Variants in HEPHL1 observed in about 807,000 individuals in gnomAD.
HEPHL1 encodes the protein ferroxidase HEPHL1.
A neutral mutation model predicts 122.0 loss-of-function variants in HEPHL1; 123 were observed. The ratio of observed to expected loss-of-function variants is 1.01; its 90% CI spans 0.87 to 1.17. The LOEUF (loss-of-function observed/expected upper bound fraction) is 1.17. HEPHL1 is among the 50% of genes most tolerant of loss of function. HEPHL1 has a pLI of 0.00. For missense variants in HEPHL1, 1,452 were observed against 1,430.5 expected (o/e 1.01, Z -0.24); for synonymous variants, 527 against 508.9 (o/e 1.04, Z -0.48).
intron 2 of HEPHL1, among the ~76,000 whole-genome samples, chr11:94,048,664 T>G (rs1284220700): frequency 6.6e-6 from 1 of 152,138 alleles, no homozygotes; most frequent in Non-Finnish European, 1.5e-5. Context: ...GCCCAGCCTG[T>G]GGACAAAATT....
At chr11:94,043,737 T>A (rs1945808353) in intron 1 of HEPHL1, among the ~76,000 whole-genome samples, 1 of 152,006 alleles carries the variant, frequency 6.6e-6, no homozygotes, top group South Asian at 2.1e-4. Flanking sequence ...TCTTCATTGT[T>A]CGAGAGTATA....
intron 1 of HEPHL1, among the ~76,000 whole-genome samples, chr11:94,033,220 C>T (rs999210457): frequency 1.3e-5 from 2 of 152,106 alleles, no homozygotes; most frequent in East Asian, 1.9e-4. Context: ...CTCCTTTTGC[C>T]TTATGCCCCT....
chr11:94,110,975 G>C lies in HEPHL1; in HGVS notation c.3118G>C (p.Asp1040His). ...GTFQTIELFADHPGTWLLHCH... is the reference protein window; with the variant it reads ...GTFQTIELFAHHPGTWLLHCH... ...ATTCCAAACCATTGAACTGTTTGCA[G>C]ATCACCCAGGGACATGGCTGCTACA... The change falls in exon 18 of 20, where the codon GAT becomes CAT. Residue 1040 changes from aspartate to histidine, a missense_variant. By Grantham distance (81) the Asp-to-His change is moderately conservative (BLOSUM62 -1). Coordinates refer to ENST00000315765, the MANE Select transcript of HEPHL1 (RefSeq NM_001098672.2). 1 of 1,612,540 alleles carries C rather than the reference G, an allele frequency of 6.2e-7. No individual in the cohort carries two copies. Among genetic ancestry groups the C allele is most frequent in the Non-Finnish European group, 8.5e-7 (1 of 1,179,274 alleles).
chr11:94,036,991 G>A (rs879334671), intron 1 of HEPHL1, among the ~76,000 whole-genome samples: 25 of 152,316 alleles, frequency 1.6e-4, no homozygotes, highest in Non-Finnish European at 3.5e-4. Flanking sequence ...CCAGACAGTG[G>A]GCGCAGGCCA....
intron 12 of HEPHL1, among the ~76,000 whole-genome samples, chr11:94,090,905 C>T (rs1024788257): frequency 6.6e-6 from 1 of 152,162 alleles, no homozygotes; most frequent in African/African-American, 2.4e-5. Flanking sequence ...CTTCCTAAAA[C>T]ATGCTGGGAA....
At chr11:94,029,253 G>A (rs377673388) in intron 1 of HEPHL1, among the ~76,000 whole-genome samples, 5 of 152,344 alleles carry the variant, frequency 3.3e-5, no homozygotes, top group East Asian at 1.9e-4. Flanking sequence ...GAAGTCCTGG[G>A]ACAAGGAGGA....
In HEPHL1 at chr11:94,027,157, C is replaced by T. The variant is rs961950194; in HGVS notation, c.170+5619C>T. ...CTGATCTCTGCCTCCATTTTCATATCGTCGTCTTCTCTCTGTGTGTCTAGC... is the reference window on the plus strand; with the variant it reads ...CTGATCTCTGCCTCCATTTTCATATTGTCGTCTTCTCTCTGTGTGTCTAGC... On this transcript the variant is annotated intron_variant, in intron 1 of 19. Transcript: ENST00000315765. Among the ~76,000 whole-genome samples the T allele has an allele frequency of 9.9e-5, 15 of 152,230 alleles. No individual in the cohort carries two copies. The South Asian group carries it at 1.2e-3, about 13-fold the overall frequency.
At chr11:94,047,943 G>T (rs778634121) in intron 2 of HEPHL1, among the ~76,000 whole-genome samples, 1 of 151,988 alleles carries the variant, frequency 6.6e-6, no homozygotes, top group Non-Finnish European at 1.5e-5. Flanking sequence ...CATCCACAAG[G>T]TTGTACAATC....
chr11:94,036,622 G>A (rs914362145), intron 1 of HEPHL1, among the ~76,000 whole-genome samples: 1 of 152,108 alleles, frequency 6.6e-6, no homozygotes, highest in African/African-American at 2.4e-5. Context: ...TGAATTGGAG[G>A]TCAGGAGATT....
chr11:94,027,836 A>C (rs1292508911), intron 1 of HEPHL1, among the ~76,000 whole-genome samples: 1 of 152,204 alleles, frequency 6.6e-6, no homozygotes, highest in Admixed American at 6.5e-5. Context: ...CCAGAGTGAA[A>C]GAATGTATAT....
intron 1 of HEPHL1, among the ~76,000 whole-genome samples, chr11:94,043,578 G>A (rs1039562373): frequency 9.2e-5 from 14 of 152,280 alleles, no homozygotes; most frequent in African/African-American, 2.4e-4. Context: ...AACCCCATCC[G>A]AAGCACAGAG....
rs527446180 is a variant in HEPHL1 at position 94,086,003 on chromosome 11, C to A, written c.1894C>A (p.Gln632Lys). The A allele has an allele frequency of 1.2e-6, 2 of 1,613,878 alleles. No individual in the cohort carries two copies. The highest frequency in any genetic ancestry group is 2.7e-5 in the African/African-American group (2 of 75,012). ...TGTTAACGGCTACATGTATGGCAAC[C>A]AGCCAGGCTTAAACATGTGTAAAAG... ...HAVNGYMYGN[Q>K]PGLNMCKRDR... The change falls in exon 11 of 20, where the codon CAG becomes AAG. Residue 632 changes from glutamine (Q) to lysine (K), a missense_variant. Physicochemically the swap from Gln to Lys is moderately conservative, Grantham distance 53 (BLOSUM62 1). Coordinates refer to ENST00000315765, the MANE Select transcript of HEPHL1 (RefSeq NM_001098672.2).
chr11:94,075,272 T>G lies in HEPHL1; in HGVS notation c.1603T>G (p.Cys535Gly). ...SVSPTAGDPP[C>G]LTYLYFSAVD... is the part of the protein sequence containing the mutation. ...AAGCCCAACTGCTGGTGATCCTCCC[T>G]GTCTGACCTATCTTTACTTCTCAGC... Residue 535 changes from cysteine (C) to glycine (G), a missense_variant, in exon 9 of 20, where the codon TGT becomes GGT. By Grantham distance (159) the Cys-to-Gly change is radical. Transcript: ENST00000315765. 1 of 1,613,560 alleles carries G rather than the reference T, an allele frequency of 6.2e-7. No individual in the cohort carries two copies. Among genetic ancestry groups the G allele is most frequent in the South Asian group, 1.1e-5 (1 of 91,078 alleles).
At chr11:94,047,445 T>A (rs1945850384) in intron 2 of HEPHL1, among the ~76,000 whole-genome samples, 1 of 152,158 alleles carries the variant, frequency 6.6e-6, no homozygotes, top group Admixed American at 6.5e-5. Flanking sequence ...CACTTATAAG[T>A]GAGAATATGC....
Position 94,093,925 on chromosome 11 carries a change from C to A in HEPHL1, c.2434+285C>A, listed in dbSNP as rs116343567. Among the ~76,000 whole-genome samples, 925 of 140,754 alleles carry A rather than the reference C, an allele frequency of 6.6e-3. 14 individuals carry two copies. Among genetic ancestry groups the A allele is most frequent in the African/African-American group, 0.023 (866 of 37,838 alleles). The allele number at this position is 140,754 out of a possible 152,430, so 92.3% of individuals were successfully genotyped here. On this transcript the variant is annotated intron_variant, in intron 13 of 19. Coordinates refer to ENST00000315765, the MANE Select transcript of HEPHL1 (RefSeq NM_001098672.2). ...TGTATGATACCCTAAAGCTTCTTTC[C>A]AACCCCTATACTGAGCCAGGAAATT... is the stretch of plus-strand genomic sequence containing the variant.
Position 94,111,941 on chromosome 11 carries a change from C to A in HEPHL1, c.*47C>A. 1 of 1,383,220 alleles carries A rather than the reference C, an allele frequency of 7.2e-7. No homozygotes were observed. Among genetic ancestry groups the A allele is most frequent in the Non-Finnish European group, 9.6e-7 (1 of 1,036,456 alleles). The allele number at this position is 1,383,220 out of a possible 1,614,324, so 85.7% of individuals were successfully genotyped here. On this transcript the variant is annotated 3_prime_UTR_variant, in exon 20 of 20. Coordinates refer to ENST00000315765, the MANE Select transcript of HEPHL1 (RefSeq NM_001098672.2). ...GGAAAGGGTGATGTCCCACAGCTGG[C>A]CAGATGGCAGCCAACAGGGAAACTG...
In HEPHL1 at chr11:94,066,490, G is replaced by A. The variant is rs185977202; in HGVS notation, c.809-1006G>A. Among the ~76,000 whole-genome samples, 4 of 151,604 alleles carry A rather than the reference G, an allele frequency of 2.6e-5. No individual in the cohort carries two copies. The East Asian group carries it at 7.9e-4, about 30-fold the overall frequency. On this transcript the variant is annotated intron_variant, in intron 4 of 19. Coordinates refer to ENST00000315765, the MANE Select transcript of HEPHL1 (RefSeq NM_001098672.2). ...AATCTTTTGAACCCAGGAGACAGAG[G>A]TTGCAGTGAGCTGAGATTGTGCCAC... is the stretch of plus-strand genomic sequence containing the variant.
At chr11:94,088,410 T>C (rs1253823883) in intron 11 of HEPHL1, among the ~76,000 whole-genome samples, 1 of 152,240 alleles carries the variant, frequency 6.6e-6, no homozygotes, top group Non-Finnish European at 1.5e-5. Context: ...CTTTTTAAAC[T>C]GGGCTGGACT....
chr11:94,064,538 A>G, intron 4 of HEPHL1, 28 bp downstream of exon 4: 1 of 1,520,242 alleles, frequency 6.6e-7, no homozygotes, highest in Non-Finnish European at 9.1e-7. Context: ...TCCCAAACGT[A>G]TACCAGGCCT....
Sources: gnomAD v4.1 joint callset for allele counts (sites outside exome capture counted in the v4.1 genomes callset) on GRCh38, gnomAD v4.1.1 for gene constraint, MANE v1.5 for transcripts, NCBI Gene and HGNC (gene_info 2026-07-23, HGNC 2026-07-21) for gene names.